The following SLC5A12 variants were observed in gnomAD, a reference collection of about 807,000 sequenced individuals.
SLC5A12 encodes the protein solute carrier family 5 member 12.
Under a neutral mutation model 72.7 loss-of-function variants are expected in SLC5A12, and 46 were observed. That is an observed-to-expected ratio of 0.63 (90% CI 0.50 to 0.81). The LOEUF (loss-of-function observed/expected upper bound fraction) is 0.81, where lower values mean the gene tolerates loss of function less well. SLC5A12 is among the 30% of genes least tolerant of loss of function. The pLI is 0.00. For synonymous variants in SLC5A12, 275 were observed against 264.4 expected (o/e 1.04, Z -0.39); for missense variants, 683 against 740.7 (o/e 0.92, Z 0.90).
chr11:26,720,809 A>C (rs1302612217), intron 1 of SLC5A12, among the ~76,000 whole-genome samples: 1 of 44,250 alleles, frequency 2.3e-5, no homozygotes, highest in Admixed American at 3.3e-4. Context: ...CCTTTCGTTA[A>C]AATGTTTTGT....
At chr11:26,697,892 C>CT (rs34284911) in intron 7 of SLC5A12, among the ~76,000 whole-genome samples, 66,928 of 94,050 alleles carry the variant, frequency 0.71, 25,824 homozygotes, top group Middle Eastern at 0.84. Context: ...GAGATGCCGT[C>CT]TTTTTTTTTT....
intron 9 of SLC5A12, among the ~76,000 whole-genome samples, chr11:26,688,287 T>C (rs143177396): frequency 6.6e-6 from 1 of 152,316 alleles, no homozygotes; most frequent in East Asian, 1.9e-4. Context: ...CAATGCAGCA[T>C]CAGCTCGGAG....
At chr11:26,717,141 T>C (rs1475071232) in intron 1 of SLC5A12, among the ~76,000 whole-genome samples, 1 of 152,130 alleles carries the variant, frequency 6.6e-6, no homozygotes, top group Non-Finnish European at 1.5e-5. Flanking sequence ...ATACCACCAC[T>C]GTTATTTGAA....
chr11:26,707,439 C>T (rs1055682898), intron 4 of SLC5A12, among the ~76,000 whole-genome samples: 11 of 152,038 alleles, frequency 7.2e-5, no homozygotes, highest in African/African-American at 2.2e-4. Context: ...GAGACTTCAA[C>T]TGGACATGAA....
rs72884824 is a variant in SLC5A12, at chr11:26,717,102, T to G, written c.339+4274A>C. ...AATATCTTATAGATAAACATTGAATTTCTCAAAATATAAATATAATTACTA... is the reference window on the plus strand; with the variant it reads ...AATATCTTATAGATAAACATTGAATGTCTCAAAATATAAATATAATTACTA... On this transcript the variant is annotated intron_variant, in intron 1 of 14. Transcript: ENST00000396005. 3.9e-3 allele frequency among the ~76,000 whole-genome samples: 598 copies of G among 152,280 alleles called. 4 individuals are homozygous for G. Among genetic ancestry groups the G allele is most frequent in the Non-Finnish European group, 6.9e-3 (470 of 68,014 alleles).
chr11:26,690,990 T>G (rs965610691), intron 9 of SLC5A12, among the ~76,000 whole-genome samples: 7 of 151,680 alleles, frequency 4.6e-5, no homozygotes, highest in African/African-American at 1.7e-4. Flanking sequence ...AAATTAAAAT[T>G]TTCTGTACAT....
intron 9 of SLC5A12, 22 bp from the exon 10 acceptor site, chr11:26,686,566 A>G (rs1355169888): frequency 6.2e-7 from 1 of 1,610,908 alleles, no homozygotes; most frequent in African/African-American, 1.3e-5. Flanking sequence ...AAAAATTACA[A>G]TCATAATTTC....
rs1353439553 is a variant in SLC5A12 at position 26,721,490 on chromosome 11, G to C, written c.225C>G (p.Tyr75Ter). 1 of 1,614,010 alleles carries C rather than the reference G, an allele frequency of 6.2e-7. No homozygotes were observed. The highest frequency in any genetic ancestry group is 1.3e-5 in the African/African-American group (1 of 74,918). Reference protein sequence around the residue: ...VTVLGTPSEVYRFGASFLVFF... With the variant: ...VTVLGTPSEV ...AGACTAGGAAGGATGCCCCAAAGCG[G>C]TAGACTTCAGAAGGGGTCCCCAGGA... is the stretch of plus-strand genomic sequence containing the variant. Residue 75 changes from tyrosine (Y) to a stop codon, truncating the protein, a stop_gained, in exon 1 of 15, where the codon TAC (tyrosine) becomes TAG (stop). Transcript: ENST00000396005. LOFTEE classifies it high-confidence loss of function.
At chr11:26,676,046 C>T (rs11029671) in intron 13 of SLC5A12, among the ~76,000 whole-genome samples, 8,408 of 151,852 alleles carry the variant, frequency 0.055, 740 homozygotes, top group African/African-American at 0.19. Flanking sequence ...GTAGATTACA[C>T]ACAAGAATCA....
At chr11:26,707,443 A>T (rs1855116495) in intron 4 of SLC5A12, among the ~76,000 whole-genome samples, 4 of 152,022 alleles carry the variant, frequency 2.6e-5, no homozygotes. Flanking sequence ...CTTCAACTGG[A>T]CATGAATTAG....
intron 4 of SLC5A12, among the ~76,000 whole-genome samples, chr11:26,708,573 A>G (rs1855145537): frequency 6.6e-6 from 1 of 152,024 alleles, no homozygotes; most frequent in Non-Finnish European, 1.5e-5. Flanking sequence ...TTTTATCTAT[A>G]GTGAAGGAAA....
At chr11:26,698,251 C>T (rs1269925305) in intron 7 of SLC5A12, among the ~76,000 whole-genome samples, 155 bp downstream of exon 7, 3 of 151,968 alleles carry the variant, frequency 2.0e-5, no homozygotes, top group Non-Finnish European at 4.4e-5. Context: ...CTGGTAGGTG[C>T]TGATATCACC....
intron 7 of SLC5A12, among the ~76,000 whole-genome samples, chr11:26,698,180 G>C (rs986470111): frequency 2.6e-5 from 4 of 152,032 alleles, no homozygotes; most frequent in African/African-American, 9.7e-5. Flanking sequence ...TTACAGGTGT[G>C]ATCCACCGTG....
At chr11:26,677,208 C>T (rs562743211) in intron 13 of SLC5A12, among the ~76,000 whole-genome samples, 3 of 151,998 alleles carry the variant, frequency 2.0e-5, no homozygotes, top group Admixed American at 6.6e-5. Flanking sequence ...TTAGAGTGTT[C>T]GCTTTTGGCC....
intron 6 of SLC5A12, among the ~76,000 whole-genome samples, chr11:26,699,288 C>T (rs1017157340): frequency 2.0e-5 from 3 of 152,146 alleles, no homozygotes; most frequent in Non-Finnish European, 4.4e-5. Context: ...TGGAGATGGC[C>T]GCAGGAGGCC....
At chr11:26,682,952 G>A (rs1185897757) in intron 11 of SLC5A12, among the ~76,000 whole-genome samples, 2 of 152,022 alleles carry the variant, frequency 1.3e-5, no homozygotes, top group African/African-American at 4.8e-5. Flanking sequence ...AGGTCAATAA[G>A]GGTCAGGTAG....
At chr11:26,676,957 C>T (rs1436102921) in intron 13 of SLC5A12, among the ~76,000 whole-genome samples, 2 of 151,988 alleles carry the variant, frequency 1.3e-5, no homozygotes, top group Admixed American at 1.3e-4. Context: ...ACAAGGAGAA[C>T]AGGCCCACAA....
intron 4 of SLC5A12, 182 bp downstream of exon 4, chr11:26,709,130 G>C: frequency 2.2e-6 from 1 of 451,670 alleles, no homozygotes. Context: ...CTAAAGGTTG[G>C]TAATGAAAAG....
At chr11:26,710,673 C>T (rs1395007114) in intron 3 of SLC5A12, among the ~76,000 whole-genome samples, 6 of 152,082 alleles carry the variant, frequency 3.9e-5, no homozygotes, top group Non-Finnish European at 7.4e-5. Context: ...AATCAGATTA[C>T]AAGTCCAAAG....
Sources: gnomAD v4.1 joint callset for allele counts (sites outside exome capture counted in the v4.1 genomes callset) on GRCh38, gnomAD v4.1.1 for gene constraint, MANE v1.5 for transcripts, NCBI Gene and HGNC (gene_info 2026-07-23, HGNC 2026-07-21) for gene names.